Variants in SATB1 observed in about 807,000 individuals in gnomAD.
The protein encoded by SATB1 is DNA-binding protein SATB1.
Under a neutral mutation model 86.9 loss-of-function variants are expected in SATB1, and 11 were observed. The ratio of observed to expected loss-of-function variants is 0.13; its 90% CI spans 0.08 to 0.21. The LOEUF (loss-of-function observed/expected upper bound fraction) is 0.21. Among genes scored for constraint, SATB1 ranks in the 10% least tolerant of loss-of-function variants. The pLI, the probability that SATB1 is intolerant of heterozygous loss-of-function variation, is 1.00. For synonymous variants in SATB1, 357 were observed against 357.2 expected, an observed-to-expected ratio of 1.00 and a Z score of 0.01; for missense variants, 551 against 937.6, an observed-to-expected ratio of 0.59 and a Z score of 5.39.
intron 7 of SATB1, among the ~76,000 whole-genome samples, chr3:18,392,882 G>A (rs957911163): frequency 6.6e-6 from 1 of 151,126 alleles, no homozygotes; most frequent in Middle Eastern, 3.4e-3. Flanking sequence ...AGTTTTTTAA[G>A]CTATAAAGAT....
intron 1 of SATB1, 40 bp from the exon 2 acceptor site, chr3:18,421,031 G>C: frequency 6.9e-7 from 1 of 1,445,888 alleles, no homozygotes; most frequent in Non-Finnish European, 9.7e-7. Context: ...TAGTTGGGCG[G>C]GGACCTACGT....
chr3:18,424,029 T>C lies in SATB1; in HGVS notation c.-427A>G, dbSNP rs547834934. On this transcript the variant is annotated 5_prime_UTR_variant, in exon 1 of 11. Coordinates refer to ENST00000338745, the MANE Select transcript of SATB1 (RefSeq NM_002971.6). ...TAAAATTGATCTGACAAGTGATTCGTTGGGGGGAAATCGTAAAAACAAAGC... is the reference window on the plus strand; with the variant it reads ...TAAAATTGATCTGACAAGTGATTCGCTGGGGGGAAATCGTAAAAACAAAGC... 2.0e-5 allele frequency: 3 copies of C among 151,594 alleles called. No individual in the cohort carries two copies. The South Asian group carries it at 6.3e-4, about 32-fold the overall frequency. The allele number at this position is 151,594 out of a possible 1,614,324, so 9.4% of individuals were successfully genotyped here.
intron 5 of SATB1, among the ~76,000 whole-genome samples, chr3:18,407,576 G>T (rs1201557696): frequency 6.6e-6 from 1 of 151,988 alleles, no homozygotes; most frequent in Admixed American, 6.6e-5. Flanking sequence ...AACAATGCGA[G>T]ACATTGGTAC....
chr3:18,349,570 A>G lies in SATB1; in HGVS notation c.1892T>C (p.Val631Ala). The part of the protein sequence containing the change: ...GPRLPPRQPT[V>A]ASPAESDEEN... The stretch of plus-strand genomic sequence containing the variant: ...CTCATCTGACTCTGCTGGAGAGGCC[A>G]CCGTGGGTTGCCGTGGGGGGAGCCG... The change falls in exon 11 of 11, where the codon GTG becomes GCG. Residue 631 changes from valine (V) to alanine (A), a missense_variant. Val to Ala is a moderately conservative substitution (Grantham distance 64). Transcript: ENST00000338745. The surrounding 1 kb of genome is among the most constrained non-coding windows in gnomAD (Gnocchi z 5.5). 6.2e-7 allele frequency: 1 copy of G among 1,613,816 alleles called. No individual in the cohort carries two copies.
At chr3:18,378,456 A>C (rs1474740538) in intron 8 of SATB1, 131 bp from the exon 9 acceptor site, 2 of 833,326 alleles carry the variant, frequency 2.4e-6, no homozygotes, top group Non-Finnish European at 3.7e-6. Context: ...CAGTCATTCA[A>C]CATTAGTTAT....
At chr3:18,391,151 G>A (rs1350375967) in intron 7 of SATB1, among the ~76,000 whole-genome samples, 1 of 152,050 alleles carries the variant, frequency 6.6e-6, no homozygotes, top group Admixed American at 6.5e-5. Flanking sequence ...GTCTTGGGAG[G>A]GTAATGTGTT....
At chr3:18,389,113 T>C (rs945982337) in intron 7 of SATB1, among the ~76,000 whole-genome samples, 2 of 152,092 alleles carry the variant, frequency 1.3e-5, no homozygotes, top group Admixed American at 1.3e-4. Flanking sequence ...CAAAGCATTT[T>C]ACTACCACTT....
chr3:18,409,601 T>A (rs531681134), intron 5 of SATB1: 21 of 152,180 alleles, frequency 1.4e-4, no homozygotes, highest in African/African-American at 4.3e-4. Flanking sequence ...AAAGTGGTCA[T>A]AATATCCAAT....
upstream of SATB1, among the ~76,000 whole-genome samples, chr3:18,429,719 A>G (rs1213883089): frequency 6.6e-6 from 1 of 152,204 alleles, no homozygotes; most frequent in Non-Finnish European, 1.5e-5. The surrounding 1 kb of genome is among the most constrained non-coding windows in gnomAD (Gnocchi z 4.1). Flanking sequence ...TCTGGCCCCC[A>G]TTATATACCC....
At chr3:18,417,798 A>T in intron 2 of SATB1, 1 of 601,866 alleles carries the variant, frequency 1.7e-6, no homozygotes, top group Non-Finnish European at 2.9e-6. Context: ...TAAAATCAAC[A>T]ATCTTTGTTA....
intron 6 of SATB1, among the ~76,000 whole-genome samples, chr3:18,395,619 A>C (rs1471959085): frequency 1.3e-5 from 2 of 152,240 alleles, no homozygotes; most frequent in African/African-American, 4.8e-5. Flanking sequence ...GATTTATTGT[A>C]TATCAAGCCA....
chr3:18,373,787 A>G (rs909751680), intron 9 of SATB1, among the ~76,000 whole-genome samples: 5 of 152,184 alleles, frequency 3.3e-5, no homozygotes, highest in African/African-American at 4.8e-5. Context: ...TAAATTATTC[A>G]GTCTCTTCTA....
intron 9 of SATB1, among the ~76,000 whole-genome samples, chr3:18,356,970 T>G (rs1694673926): frequency 6.6e-6 from 1 of 151,816 alleles, no homozygotes; most frequent in Non-Finnish European, 1.5e-5. Context: ...TAATGCAATA[T>G]ACATATATGT....
intron 9 of SATB1, among the ~76,000 whole-genome samples, chr3:18,371,331 T>C (rs1176851394): frequency 1.3e-5 from 2 of 152,190 alleles, no homozygotes; most frequent in Admixed American, 6.5e-5. Context: ...TATTTTTACA[T>C]GGTATGTAAT....
chr3:18,415,353 C>T, intron 4 of SATB1, 119 bp from the exon 5 acceptor site: 2 of 1,134,898 alleles, frequency 1.8e-6, no homozygotes, highest in African/African-American at 1.5e-5. Context: ...GGAGATTGCT[C>T]TCGGTCTCCT....
At chr3:18,358,321 C>A (rs943942479) in intron 9 of SATB1, among the ~76,000 whole-genome samples, 2 of 151,868 alleles carry the variant, frequency 1.3e-5, no homozygotes, top group African/African-American at 4.8e-5. Context: ...TTATGAAGTT[C>A]TTTAGAAGAA....
intron 9 of SATB1, among the ~76,000 whole-genome samples, chr3:18,369,517 T>TAC (rs1250899988): frequency 6.6e-6 from 1 of 152,130 alleles, no homozygotes; most frequent in African/African-American, 2.4e-5. Context: ...AAGAACATCT[T>TAC]ACACACACAT....
intron 8 of SATB1, among the ~76,000 whole-genome samples, chr3:18,383,650 T>C (rs1696169423): frequency 1.3e-5 from 2 of 152,040 alleles, no homozygotes; most frequent in African/African-American, 4.8e-5. Context: ...CAGTCTGTGT[T>C]ATCTGTGGTT....
intron 9 of SATB1, among the ~76,000 whole-genome samples, chr3:18,370,260 C>A (rs1036762810): frequency 2.6e-5 from 4 of 152,096 alleles, no homozygotes; most frequent in African/African-American, 7.2e-5. Flanking sequence ...AAAATCTCTT[C>A]TTTTCTCTGG....
Sources: allele counts gnomAD v4.1 joint callset (sites outside exome capture counted in the v4.1 genomes callset), GRCh38; gene constraint gnomAD v4.1.1; non-coding constraint Gnocchi (gnomAD v3.1); transcripts MANE v1.5; gene names NCBI Gene and HGNC (gene_info 2026-07-23, HGNC 2026-07-21).